The following NUP43 variants were observed in gnomAD, a reference collection of about 807,000 sequenced individuals.
The protein encoded by NUP43 is nucleoporin 43.
NUP43 carries 32 observed loss-of-function variants against 47.3 expected under a neutral mutation model. The ratio of observed to expected loss-of-function variants is 0.68; its 90% CI spans 0.51 to 0.91. The LOEUF is 0.91. NUP43 is among the 40% of genes least tolerant of loss of function. The pLI is 0.00. For missense variants in NUP43, 444 were observed against 453.9 expected (o/e 0.98, Z 0.20); for synonymous variants, 147 against 158.4 (o/e 0.93, Z 0.54).
Position 149,726,534 on chromosome 6 carries a change from G to T in NUP43, c.*435C>A, listed in dbSNP as rs527867292. The T allele has an allele frequency of 1.4e-3, 236 of 170,726 alleles. 2 individuals carry two copies. Among genetic ancestry groups the T allele is most frequent in the African/African-American group, 5.5e-3 (228 of 41,812 alleles). 10.6% of individuals were successfully genotyped at this position (170,726 alleles called of 1,614,324 possible). On this transcript the variant is annotated 3_prime_UTR_variant, in exon 8 of 8. Coordinates refer to ENST00000340413, the MANE Select transcript of NUP43 (RefSeq NM_198887.3). Reference sequence around the variant, plus strand: ...TCATAGGAAATACTTGCAATAAAAAGAATAATCATTAACATTGGCAACTGC... The same window carrying T: ...TCATAGGAAATACTTGCAATAAAAATAATAATCATTAACATTGGCAACTGC...
chr6:149,735,098 T>C (rs979328158), intron 6 of NUP43, among the ~76,000 whole-genome samples: 3 of 152,124 alleles, frequency 2.0e-5, no homozygotes, highest in Non-Finnish European at 4.4e-5. Flanking sequence ...GGTCTCACTA[T>C]ATTGTCCAGG....
upstream of NUP43, among the ~76,000 whole-genome samples, chr6:149,748,887 G>C (rs1274168945): frequency 6.6e-6 from 1 of 151,494 alleles, no homozygotes; most frequent in Non-Finnish European, 1.5e-5. Context: ...GTCTAATTAG[G>C]AGTCAGCGAT....
At chr6:149,748,320 A>G (rs1786125154), upstream of NUP43, among the ~76,000 whole-genome samples, 1 of 152,214 alleles carries the variant, frequency 6.6e-6, no homozygotes, top group Non-Finnish European at 1.5e-5. Context: ...CTCCGTCTCA[A>G]TCAAAAGCAA....
At position 149,744,913 on chromosome 6, in the gene NUP43, A is replaced by ATTTAT. The variant is rs58048803; in HGVS notation, c.243+1026_243+1027insATAAA. On this transcript the variant is annotated intron_variant, in intron 2 of 7. Coordinates refer to ENST00000340413, the MANE Select transcript of NUP43 (RefSeq NM_198887.3). Reference sequence around the variant, plus strand: ...TATTTATTTATTTATTTATTTATTTATTATTATTATTTTTTGAGACAGAGT... The same window carrying ATTTAT: ...TATTTATTTATTTATTTATTTATTTATTTATTTATTATTATTTTTTGAGACAGAGT... Among the ~76,000 whole-genome samples, 873 of 147,870 alleles carry ATTTAT rather than the reference A, an allele frequency of 5.9e-3. 7 individuals are homozygous for ATTTAT. Among genetic ancestry groups the ATTTAT allele is most frequent in the African/African-American group, 0.02 (794 of 40,104 alleles).
chr6:149,739,104 C>T (rs940917382), intron 4 of NUP43, among the ~76,000 whole-genome samples: 3 of 151,926 alleles, frequency 2.0e-5, no homozygotes, highest in Non-Finnish European at 4.4e-5. Context: ...CCTCAGCCTC[C>T]CAAATAGCTG....
chr6:149,727,859 A>C (rs1784862076), intron 7 of NUP43: 1 of 985,252 alleles, frequency 1.0e-6, no homozygotes, highest in African/African-American at 1.7e-5. Flanking sequence ...CATTATTCGC[A>C]ACTTACTTTC....
At chr6:149,736,425 A>G (rs1427150758) in intron 6 of NUP43, 46 bp downstream of exon 6, 1 of 1,458,596 alleles carries the variant, frequency 6.9e-7, no homozygotes, top group African/African-American at 1.4e-5. Flanking sequence ...ATTATATGTC[A>G]TATAACTCAC....
intron 6 of NUP43, among the ~76,000 whole-genome samples, chr6:149,734,256 C>A (rs2115100569): frequency 6.6e-6 from 1 of 152,092 alleles, no homozygotes; most frequent in South Asian, 2.1e-4. Context: ...GATCACTTGA[C>A]CCCAGGAGGT....
At chr6:149,748,447 G>T (rs750909648), upstream of NUP43, among the ~76,000 whole-genome samples, 1 of 152,216 alleles carries the variant, frequency 6.6e-6, no homozygotes, top group Non-Finnish European at 1.5e-5. Context: ...TACAAAATCG[G>T]ATAAGAACTA....
At chr6:149,741,830 C>A (rs1370469370) in intron 4 of NUP43, among the ~76,000 whole-genome samples, 1 of 151,766 alleles carries the variant, frequency 6.6e-6, no homozygotes, top group Non-Finnish European at 1.5e-5. Flanking sequence ...ATGGTAAGTG[C>A]TCAATTACTC....
At chr6:149,737,759 G>A (rs182965281) in intron 5 of NUP43, among the ~76,000 whole-genome samples, 52 of 152,098 alleles carry the variant, frequency 3.4e-4, no homozygotes, top group Non-Finnish European at 6.5e-4. Context: ...AGGTTCAAGT[G>A]ATTCTCCTGC....
chr6:149,732,183 GA>G (rs11430528), intron 6 of NUP43, among the ~76,000 whole-genome samples: 261 of 107,342 alleles, frequency 2.4e-3, no homozygotes, highest in African/African-American at 5.5e-3. Flanking sequence ...CACTGTCTGA[GA>G]AAAAAAAAAA....
intron 3 of NUP43, among the ~76,000 whole-genome samples, chr6:149,742,940 C>A (rs945355023): frequency 2.0e-5 from 3 of 152,132 alleles, no homozygotes; most frequent in Non-Finnish European, 4.4e-5. Context: ...CTTTGGGAGG[C>A]CAAGGCAGGC....
chr6:149,748,941 G>A (rs1177182934), upstream of NUP43, among the ~76,000 whole-genome samples: 5 of 152,146 alleles, frequency 3.3e-5, no homozygotes, highest in Admixed American at 1.3e-4. Flanking sequence ...CTCACTCATG[G>A]TCTTGCAGAG....
intron 4 of NUP43, among the ~76,000 whole-genome samples, chr6:149,739,040 G>GCGCGATCTCGGCTCAC (rs1785509962): frequency 6.6e-6 from 1 of 151,178 alleles, no homozygotes; most frequent in African/African-American, 2.4e-5. Flanking sequence ...GACTGCAATG[G>GCGCGATCTCGGCTCAC]CGCGATCTCG....
intron 2 of NUP43, 96 bp downstream of exon 2, chr6:149,745,844 G>T: frequency 9.3e-7 from 1 of 1,073,726 alleles, no homozygotes. Context: ...TTCTGTAAAC[G>T]AGGGGTGACA....
intron 4 of NUP43, among the ~76,000 whole-genome samples, chr6:149,740,980 A>G (rs951252264): frequency 3.3e-5 from 5 of 151,952 alleles, no homozygotes; most frequent in African/African-American, 1.2e-4. Context: ...GCCATCTTTT[A>G]GTATTACTTA....
At chr6:149,730,420 A>G (rs1784978222) in intron 7 of NUP43, among the ~76,000 whole-genome samples, 1 of 152,200 alleles carries the variant, frequency 6.6e-6, no homozygotes, top group South Asian at 2.1e-4. Flanking sequence ...TGTCTATGCT[A>G]TGGCATGAGG....
At chr6:149,728,156 C>T in intron 7 of NUP43, 2 of 985,228 alleles carry the variant, frequency 2.0e-6, no homozygotes, top group Non-Finnish European at 2.4e-6. Context: ...ATTCTTATAT[C>T]CTAATTGAAC....
Sources: gnomAD v4.1 joint callset for allele counts (sites outside exome capture counted in the v4.1 genomes callset) on GRCh38, gnomAD v4.1.1 for gene constraint, MANE v1.5 for transcripts, NCBI Gene and HGNC (gene_info 2026-07-23, HGNC 2026-07-21) for gene names.